Variants in ITGBL1 observed in about 807,000 individuals in gnomAD.
ITGBL1 encodes integrin beta-like protein 1.
Under a neutral mutation model 68.5 loss-of-function variants are expected in ITGBL1, and 51 were observed. The observed-to-expected ratio is 0.74, with a 90% CI of 0.59 to 0.94. The LOEUF (loss-of-function observed/expected upper bound fraction) is 0.94. Ranked by LOEUF, ITGBL1 falls within the 40% of genes least tolerant of loss-of-function variation. The pLI, the probability that ITGBL1 is intolerant of heterozygous loss-of-function variation, is 0.00. For missense variants in ITGBL1, 649 were observed against 647.4 expected, an observed-to-expected ratio of 1.00 and a Z score of -0.03; for synonymous variants, 209 against 227.3, an observed-to-expected ratio of 0.92 and a Z score of 0.72.
At chr13:101,481,856 T>A (rs1044702042) in intron 2 of ITGBL1, among the ~76,000 whole-genome samples, 10 of 152,152 alleles carry the variant, frequency 6.6e-5, no homozygotes, top group Admixed American at 6.6e-4. Context: ...TTTCAATATA[T>A]GTATACAATG....
chr13:101,517,547 T>C (rs571907964), intron 2 of ITGBL1, among the ~76,000 whole-genome samples: 3 of 152,056 alleles, frequency 2.0e-5, no homozygotes, highest in Non-Finnish European at 4.4e-5. Flanking sequence ...ACACTATGGG[T>C]TGAGAAGCAC....
chr13:101,642,354 A>T lies in ITGBL1; in HGVS notation c.1015+44055A>T, dbSNP rs77280468. Among the ~76,000 whole-genome samples the T allele has an allele frequency of 2.0e-5, 3 of 152,036 alleles. No homozygotes were observed. In the East Asian group the frequency reaches 5.8e-4, roughly 29 times the overall value. ...TTTCATGTGCTTTTTGGCTGCATAA[A>T]TGTCTTCTTTTGAGAAGTGTCTGCT... On this transcript the variant is annotated intron_variant, in intron 7 of 10. Transcript: ENST00000376180.
intron 2 of ITGBL1, among the ~76,000 whole-genome samples, chr13:101,535,813 G>A (rs1216765774): frequency 1.3e-4 from 19 of 151,998 alleles, no homozygotes; most frequent in Admixed American, 8.5e-4. Flanking sequence ...TTTGCAATTC[G>A]AATCTCTTCT....
At chr13:101,628,774 A>G (rs1043699460) in intron 7 of ITGBL1, among the ~76,000 whole-genome samples, 1 of 151,590 alleles carries the variant, frequency 6.6e-6, no homozygotes, top group Non-Finnish European at 1.5e-5. Flanking sequence ...TACATGATCT[A>G]GTATATGATG....
intron 9 of ITGBL1, among the ~76,000 whole-genome samples, chr13:101,707,489 T>C (rs1400075812): frequency 6.6e-6 from 1 of 152,174 alleles, no homozygotes; most frequent in Admixed American, 6.5e-5. Context: ...GAATTTTCTT[T>C]GCCCTAAAAA....
At chr13:101,528,186 CTTTT>C (rs887172112) in intron 2 of ITGBL1, among the ~76,000 whole-genome samples, 1 of 150,848 alleles carries the variant, frequency 6.6e-6, no homozygotes, top group Non-Finnish European at 1.5e-5. Context: ...TAATATTTTT[CTTTT>C]TTGTCAGTTT....
chr13:101,591,065 G>A (rs2050644602), intron 6 of ITGBL1, among the ~76,000 whole-genome samples: 1 of 152,234 alleles, frequency 6.6e-6, no homozygotes, highest in African/African-American at 2.4e-5. Context: ...ACCATGCCCA[G>A]CTAATTTTTG....
Position 101,714,505 on chromosome 13 carries a change from CTG to C in ITGBL1, c.1350_1351del (p.Cys450Ter). 1 of 1,612,268 alleles carries C rather than the reference CTG, an allele frequency of 6.2e-7. No individual in the cohort carries two copies. Reference sequence around the variant, plus strand: ...GGTATATTTCTGGGGAGTTCTGTGACTGTGATGACAGAGACTGCGACAAACAT... The same window carrying C: ...GGTATATTTCTGGGGAGTTCTGTGACTGATGACAGAGACTGCGACAAACAT... ...EWYISGEFCDCDDRDCDKHDG... is the reference protein window; with the variant it reads ...EWYISGEFCDXDDRDCDKHDG... On this transcript the variant is annotated frameshift_variant, in exon 10 of 11. Coordinates refer to ENST00000376180, the MANE Select transcript of ITGBL1 (RefSeq NM_004791.3). LOFTEE classifies it high-confidence loss of function.
intron 7 of ITGBL1, among the ~76,000 whole-genome samples, chr13:101,678,693 G>T (rs1043817922): frequency 6.6e-6 from 1 of 151,936 alleles, no homozygotes; most frequent in Non-Finnish European, 1.5e-5. Flanking sequence ...TAGAGACTGG[G>T]TTTCACCATG....
chr13:101,546,066 A>T (rs529468568), intron 2 of ITGBL1, among the ~76,000 whole-genome samples: 2 of 152,370 alleles, frequency 1.3e-5, no homozygotes, highest in South Asian at 4.1e-4. Flanking sequence ...CAAACATAAT[A>T]TTGGGTAAAA....
chr13:101,681,474 A>T (rs968056423), intron 7 of ITGBL1, among the ~76,000 whole-genome samples: 2 of 152,166 alleles, frequency 1.3e-5, no homozygotes, highest in Admixed American at 6.6e-5. Flanking sequence ...TTGGTCCTGA[A>T]TAAATAATGA....
chr13:101,642,461 TA>T (rs2032414633), intron 7 of ITGBL1, among the ~76,000 whole-genome samples: 1 of 152,228 alleles, frequency 6.6e-6, no homozygotes, highest in Non-Finnish European at 1.5e-5. Flanking sequence ...TTCTGGATAT[TA>T]GCCCTTTGTC....
At chr13:101,480,189 A>G (rs1444034299) in intron 2 of ITGBL1, among the ~76,000 whole-genome samples, 1 of 151,980 alleles carries the variant, frequency 6.6e-6, no homozygotes. Flanking sequence ...GAACTGGAGG[A>G]CGTTATTTTA....
chr13:101,714,188 C>A (rs2034607898), intron 9 of ITGBL1: 2 of 433,176 alleles, frequency 4.6e-6, no homozygotes, highest in Non-Finnish European at 8.2e-6. Flanking sequence ...ACATTTCAAC[C>A]AGACTGGGCC....
At chr13:101,508,713 G>C (rs1414881263) in intron 2 of ITGBL1, among the ~76,000 whole-genome samples, 2 of 152,020 alleles carry the variant, frequency 1.3e-5, no homozygotes, top group African/African-American at 4.8e-5. Context: ...TTTATATGTA[G>C]TCAAATCAAT....
At chr13:101,559,973 C>G (rs1464815078) in intron 2 of ITGBL1, among the ~76,000 whole-genome samples, 1 of 152,130 alleles carries the variant, frequency 6.6e-6, no homozygotes, top group African/African-American at 2.4e-5. Context: ...CTATATTCTT[C>G]CGTTGTCCAC....
intron 7 of ITGBL1, among the ~76,000 whole-genome samples, chr13:101,631,257 T>A (rs1485261569): frequency 6.6e-6 from 1 of 152,182 alleles, no homozygotes; most frequent in African/African-American, 2.4e-5. Context: ...TCTTGGGGAA[T>A]TCTTTCACTG....
intron 7 of ITGBL1, among the ~76,000 whole-genome samples, chr13:101,639,175 A>G (rs1021544136): frequency 6.6e-6 from 1 of 152,162 alleles, no homozygotes; most frequent in African/African-American, 2.4e-5. Flanking sequence ...TTACATTTGG[A>G]AGATAGTATT....
chr13:101,670,851 T>C (rs2033340994), intron 7 of ITGBL1, among the ~76,000 whole-genome samples: 1 of 152,198 alleles, frequency 6.6e-6, no homozygotes, highest in Non-Finnish European at 1.5e-5. Context: ...TATATTTATA[T>C]GAATATGTTA....
Sources: gnomAD v4.1 joint callset for allele counts (sites outside exome capture counted in the v4.1 genomes callset) on GRCh38, gnomAD v4.1.1 for gene constraint, MANE v1.5 for transcripts, NCBI Gene and HGNC (gene_info 2026-07-23, HGNC 2026-07-21) for gene names.